Variants in SLC23A1 observed in about 807,000 individuals in gnomAD.
SLC23A1 encodes Na(+)/L-ascorbic acid transporter 1.
A neutral mutation model predicts 62.5 loss-of-function variants in SLC23A1; 31 were observed. That is an observed-to-expected ratio of 0.50 (90% CI 0.37 to 0.67). The LOEUF (loss-of-function observed/expected upper bound fraction) is 0.67. SLC23A1 is among the 30% of genes least tolerant of loss of function. The probability of loss-of-function intolerance (pLI) is 0.00; values close to 1 mark genes in which losing one functional copy is unlikely to be tolerated. For missense variants in SLC23A1, 640 were observed against 782.7 expected (o/e 0.82, Z 2.18); for synonymous variants, 271 against 313.2 (o/e 0.87, Z 1.42).
chr5:139,380,732 T>G, intron 4 of SLC23A1, 66 bp downstream of exon 4: 1 of 1,463,130 alleles, frequency 6.8e-7, no homozygotes, highest in Admixed American at 1.7e-5. Flanking sequence ...CCCGGGACAG[T>G]TGCTCAGACC....
intron 4 of SLC23A1, 47 bp from the exon 5 acceptor site, chr5:139,380,679 G>T: frequency 6.5e-7 from 1 of 1,528,424 alleles, no homozygotes; most frequent in Non-Finnish European, 9.1e-7. Context: ...TACAGAGACA[G>T]AGAGGGAGAG....
Position 139,376,762 on chromosome 5 carries a change from A to G in SLC23A1, c.1549+640T>C, listed in dbSNP as rs992557255. Among the ~76,000 whole-genome samples the G allele has an allele frequency of 3.9e-5, 6 of 152,274 alleles. No individual in the cohort carries two copies. In the East Asian group the frequency reaches 9.7e-4, roughly 24 times the overall value. ...GTGGATGGATTTTGCCAACAAACTG[A>G]TGCTGCATTTATCTCTGTCCTACTC... On this transcript the variant is annotated intron_variant, in intron 13 of 14. Coordinates refer to ENST00000348729, the MANE Select transcript of SLC23A1 (RefSeq NM_005847.5).
chr5:139,379,121 AC>A lies in SLC23A1; in HGVS notation c.1073+85del, dbSNP rs1758099929. On this transcript the variant is annotated intron_variant, in intron 9 of 14. Transcript: ENST00000348729. The surrounding 1 kb of genome is among the most constrained non-coding windows in gnomAD (Gnocchi z 4.7). ...GCGTGTTCCCGACTTGCCTAAGCCT[AC>A]CCCCTGGGCCTCCACCCCGTTCCTG... 1 of 1,420,078 alleles carries A rather than the reference AC, an allele frequency of 7.0e-7. No individual in the cohort carries two copies. Among genetic ancestry groups the A allele is most frequent in the Non-Finnish European group, 9.8e-7 (1 of 1,016,280 alleles). 88.0% of individuals were successfully genotyped at this position (1,420,078 alleles called of 1,614,324 possible).
chr5:139,380,969 G>A (rs1325820056), intron 3 of SLC23A1, 83 bp from the exon 4 acceptor site: 1 of 691,808 alleles, frequency 1.4e-6, no homozygotes, highest in Non-Finnish European at 2.5e-6. Context: ...ATCAGGAAGG[G>A]AGAGCACAGA....
chr5:139,379,238 C>T lies in SLC23A1; in HGVS notation c.1042G>A (p.Ala348Thr). 5 of 1,614,176 alleles carry T rather than the reference C, an allele frequency of 3.1e-6. No homozygotes were observed. The highest frequency in any genetic ancestry group is 4.2e-6 in the Non-Finnish European group (5 of 1,180,018). Reference sequence around the variant, plus strand: ...ATAGCATGTACTGGAGGGGGTGGTGCACCAGCCAGGCGGGCACAGGCGTAG... The same window carrying T: ...ATAGCATGTACTGGAGGGGGTGGTGTACCAGCCAGGCGGGCACAGGCGTAG... ...DYYACARLAG[A>T]PPPPVHAINR... Residue 348 changes from alanine (A) to threonine (T), a missense_variant, in exon 9 of 15, where the codon GCA (alanine) becomes ACA (threonine). Transcript: ENST00000348729. This position sits in a 1 kb window ranked among gnomAD's most constrained non-coding sequence, Gnocchi z 4.7.
At chr5:139,384,075 A>T (rs1758414275), upstream of SLC23A1, among the ~76,000 whole-genome samples, 1 of 152,236 alleles carries the variant, frequency 6.6e-6, no homozygotes, top group Non-Finnish European at 1.5e-5. Flanking sequence ...AAGTATAAAG[A>T]ATTTAAAGAT....
chr5:139,378,245 C>T lies in SLC23A1; in HGVS notation c.1286G>A (p.Gly429Glu). The T allele has an allele frequency of 1.9e-6, 3 of 1,612,388 alleles. No homozygotes were observed. Among genetic ancestry groups the T allele is most frequent in the Non-Finnish European group, 2.5e-6 (3 of 1,179,456 alleles). ...LFASLPDPIL[G>E]GMFCTLFGMI... ...ACCAAAGAGAGTGCAGAACATGCCCCCCAGGATGGGGTCAGGGAGCGAGGC... is the reference window on the plus strand; with the variant it reads ...ACCAAAGAGAGTGCAGAACATGCCCTCCAGGATGGGGTCAGGGAGCGAGGC... Residue 429 changes from glycine (G) to glutamate (E), a missense_variant, in exon 11 of 15, where the codon GGG becomes GAG. By Grantham distance (98) the Gly-to-Glu change is moderately conservative (BLOSUM62 -2). Transcript: ENST00000348729. The surrounding 1 kb of genome is among the most constrained non-coding windows in gnomAD (Gnocchi z 4.5).
intron 13 of SLC23A1, among the ~76,000 whole-genome samples, chr5:139,373,773 A>C (rs1473957335): frequency 3.3e-5 from 5 of 152,284 alleles, no homozygotes; most frequent in African/African-American, 9.6e-5. Flanking sequence ...CACAGTCTGG[A>C]AGAGAAACCT....
rs1207389716 is a variant in SLC23A1, at chr5:139,378,541, G to A, written c.1179+38C>T. The stretch of plus-strand genomic sequence containing the variant: ...GTTGGGGCGGGGCCTGCGGCCCACG[G>A]AATTAGGGCAGGATTTGGCTCTGGC... On this transcript the variant is annotated intron_variant, in intron 10 of 14. Coordinates refer to ENST00000348729, the MANE Select transcript of SLC23A1 (RefSeq NM_005847.5). The surrounding 1 kb of genome is among the most constrained non-coding windows in gnomAD (Gnocchi z 4.5). The A allele has an allele frequency of 1.3e-6, 2 of 1,503,718 alleles. No individual in the cohort carries two copies. Among genetic ancestry groups the A allele is most frequent in the Non-Finnish European group, 1.8e-6 (2 of 1,106,028 alleles). The allele number at this position is 1,503,718 out of a possible 1,614,324, so 93.1% of individuals were successfully genotyped here.
chr5:139,376,983 G>T (rs888672040), intron 13 of SLC23A1, among the ~76,000 whole-genome samples: 1 of 152,124 alleles, frequency 6.6e-6, no homozygotes, highest in Non-Finnish European at 1.5e-5. Context: ...TTAGCTGGGC[G>T]TGGTGGCAGC....
At chr5:139,384,493 C>T, upstream of SLC23A1, 2 of 1,289,872 alleles carry the variant, frequency 1.6e-6, no homozygotes, top group Non-Finnish European at 2.0e-6. Context: ...CCTCTGTCCG[C>T]CTGTCCTCTC....
At chr5:139,375,529 C>T (rs896471572) in intron 13 of SLC23A1, among the ~76,000 whole-genome samples, 1 of 152,072 alleles carries the variant, frequency 6.6e-6, no homozygotes, top group Admixed American at 6.6e-5. Context: ...GCAACATAGA[C>T]CCCCATCTTA....
intron 1 of SLC23A1, 140 bp downstream of exon 1, chr5:139,383,078 G>T: frequency 3.3e-6 from 2 of 599,990 alleles, no homozygotes; most frequent in Non-Finnish European, 5.5e-6. Flanking sequence ...TCCCCCAGTT[G>T]CCACATTCAA....
intron 14 of SLC23A1, among the ~76,000 whole-genome samples, chr5:139,370,161 G>A (rs1757565870): frequency 6.6e-6 from 1 of 152,166 alleles, no homozygotes; most frequent in Non-Finnish European, 1.5e-5. Context: ...GTACCCCAGT[G>A]TGTGGTTGGT....
chr5:139,379,514 G>T lies in SLC23A1; in HGVS notation c.926-160C>A. 1 of 1,019,834 alleles carries T rather than the reference G, an allele frequency of 9.8e-7. No homozygotes were observed. The highest frequency in any genetic ancestry group is 1.5e-6 in the Non-Finnish European group (1 of 662,422). The allele number at this position is 1,019,834 out of a possible 1,614,324, so 63.2% of individuals were successfully genotyped here. A position where few individuals can be genotyped will look rare whatever the true frequency, so the allele number is the denominator to read the frequency against. ...AGCTTATTTGAGTCACTCAGAGCCA[G>T]GAAGTGGGACTGAAGCTTTGTCTAA... On this transcript the variant is annotated intron_variant, in intron 8 of 14. Transcript: ENST00000348729. The surrounding 1 kb of genome is among the most constrained non-coding windows in gnomAD (Gnocchi z 4.7).
intron 13 of SLC23A1, 35 bp from the exon 14 acceptor site, chr5:139,372,288 A>G (rs1368360267): frequency 2.5e-6 from 4 of 1,592,334 alleles, no homozygotes; most frequent in Non-Finnish European, 3.4e-6. Flanking sequence ...TACCAAGGCC[A>G]GCAACCCTCA....
At chr5:139,382,410 A>G (rs1309900175) in intron 2 of SLC23A1, 82 bp downstream of exon 2, 3 of 772,618 alleles carry the variant, frequency 3.9e-6, no homozygotes, top group Middle Eastern at 3.1e-4. Flanking sequence ...CTGTTACCCA[A>G]GATACTCCCT....
intron 13 of SLC23A1, among the ~76,000 whole-genome samples, chr5:139,374,584 G>A (rs1757853396): frequency 6.6e-6 from 1 of 152,226 alleles, no homozygotes; most frequent in Non-Finnish European, 1.5e-5. Context: ...TCCAGGTTGT[G>A]TGACCTTAGG....
At chr5:139,369,654 A>C (rs1757530642) in intron 14 of SLC23A1, 1 of 152,604 alleles carries the variant, frequency 6.6e-6, no homozygotes, top group African/African-American at 2.4e-5. Flanking sequence ...TTTAAGTTGA[A>C]AATATTGTAA....
Sources: allele counts gnomAD v4.1 joint callset (sites outside exome capture counted in the v4.1 genomes callset), GRCh38; gene constraint gnomAD v4.1.1; non-coding constraint Gnocchi (gnomAD v3.1); transcripts MANE v1.5; gene names NCBI Gene and HGNC (gene_info 2026-07-23, HGNC 2026-07-21).